The following ASIC2 variants were observed in gnomAD, a reference collection of about 807,000 sequenced individuals.
ASIC2 encodes the protein acid sensing ion channel subunit 2, also known as acid-sensing ion channel 2.
A neutral mutation model predicts 57.3 loss-of-function variants in ASIC2; 25 were observed. That is an observed-to-expected ratio of 0.44 (90% CI 0.32 to 0.61). The LOEUF (loss-of-function observed/expected upper bound fraction) is 0.61. Ranked by LOEUF, ASIC2 falls within the 20% of genes least tolerant of loss-of-function variation. ASIC2 has a pLI of 0.06. For synonymous variants in ASIC2, 319 were observed against 307.5 expected, an observed-to-expected ratio of 1.04 and a Z score of -0.39; for missense variants, 641 against 738.1, an observed-to-expected ratio of 0.87 and a Z score of 1.52.
chr17:34,077,557 G>C (rs1323308691), intron 1 of ASIC2, among the ~76,000 whole-genome samples: 1 of 152,190 alleles, frequency 6.6e-6, no homozygotes, highest in Non-Finnish European at 1.5e-5. Context: ...ACACAGCCAC[G>C]ATGCAGCCTT....
chr17:33,379,080 G>A (rs1373539187), intron 1 of ASIC2, among the ~76,000 whole-genome samples: 8 of 152,238 alleles, frequency 5.3e-5, no homozygotes, highest in African/African-American at 1.4e-4. Context: ...CATTAAATGA[G>A]ATAACATATG....
At chr17:33,503,384 T>C (rs1468643401) in intron 1 of ASIC2, among the ~76,000 whole-genome samples, 1 of 151,958 alleles carries the variant, frequency 6.6e-6, no homozygotes, top group East Asian at 1.9e-4. Flanking sequence ...AAGGAAGGGG[T>C]TAAGATTATC....
intron 1 of ASIC2, among the ~76,000 whole-genome samples, chr17:33,210,543 G>T (rs1447910790): frequency 6.6e-6 from 1 of 152,138 alleles, no homozygotes; most frequent in Non-Finnish European, 1.5e-5. Context: ...AGCCCATATG[G>T]GTGAGACTGG....
intron 3 of ASIC2, 137 bp downstream of exon 3, chr17:33,088,726 G>A (rs371953023): frequency 1.7e-5 from 22 of 1,272,990 alleles, no homozygotes; most frequent in South Asian, 1.9e-5. Flanking sequence ...AACTGGTGAC[G>A]AAGGTTAGCC....
At chr17:33,399,157 T>C (rs766635041) in intron 1 of ASIC2, among the ~76,000 whole-genome samples, 1 of 152,154 alleles carries the variant, frequency 6.6e-6, no homozygotes, top group Non-Finnish European at 1.5e-5. Flanking sequence ...GGAGGTGCTG[T>C]GGTTTCTGAT....
At chr17:34,008,813 T>A (rs967265376) in intron 1 of ASIC2, among the ~76,000 whole-genome samples, 2 of 152,134 alleles carry the variant, frequency 1.3e-5, no homozygotes, top group Non-Finnish European at 2.9e-5. Flanking sequence ...CCCCTAGCCA[T>A]CCCAAGCATG....
chr17:34,010,706 C>T (rs1376687898), intron 1 of ASIC2, among the ~76,000 whole-genome samples: 1 of 151,666 alleles, frequency 6.6e-6, no homozygotes, highest in African/African-American at 2.4e-5. Flanking sequence ...GACATAACCA[C>T]ACAGACACAC....
intron 1 of ASIC2, among the ~76,000 whole-genome samples, chr17:33,279,478 G>C (rs1427181915): frequency 6.6e-6 from 1 of 152,222 alleles, no homozygotes; most frequent in Non-Finnish European, 1.5e-5. Context: ...AGGATGGGAA[G>C]AGGGAGGTCG....
intron 1 of ASIC2, among the ~76,000 whole-genome samples, chr17:33,944,292 GAGA>G (rs1471417567): frequency 6.6e-6 from 1 of 152,194 alleles, no homozygotes; most frequent in Non-Finnish European, 1.5e-5. Flanking sequence ...GCTTTCTGTG[GAGA>G]AGAACTCCTA....
intron 1 of ASIC2, chr17:34,039,557 G>A (rs1908024598): frequency 4.3e-6 from 7 of 1,613,794 alleles, no homozygotes; most frequent in Non-Finnish European, 5.9e-6. Flanking sequence ...CGTGCAACTG[G>A]TGGAACACTT....
chr17:33,695,458 C>T (rs1474339174), intron 1 of ASIC2, among the ~76,000 whole-genome samples: 1 of 151,948 alleles, frequency 6.6e-6, no homozygotes, highest in Non-Finnish European at 1.5e-5. Flanking sequence ...CATATGCATG[C>T]ATTACTTTTA....
chr17:33,806,191 C>G (rs1010072504), intron 1 of ASIC2, among the ~76,000 whole-genome samples: 2 of 152,216 alleles, frequency 1.3e-5, no homozygotes, highest in African/African-American at 4.8e-5. Context: ...TGATTTCAGG[C>G]TCTGCCACCA....
intron 1 of ASIC2, among the ~76,000 whole-genome samples, chr17:33,870,503 T>G (rs1914376263): frequency 6.6e-6 from 1 of 151,810 alleles, no homozygotes; most frequent in African/African-American, 2.4e-5. Context: ...GTCATGGTGG[T>G]GGGTTGAATT....
intron 1 of ASIC2, among the ~76,000 whole-genome samples, chr17:33,908,898 C>T (rs923162081): frequency 3.3e-5 from 5 of 152,204 alleles, no homozygotes; most frequent in African/African-American, 1.2e-4. Context: ...TGGTCCAGGT[C>T]ATTCTAGCCT....
intron 1 of ASIC2, among the ~76,000 whole-genome samples, chr17:34,086,855 C>T (rs1239810394): frequency 3.3e-5 from 5 of 152,138 alleles, no homozygotes; most frequent in Non-Finnish European, 5.9e-5. Context: ...GAGACTAGGA[C>T]TGCAACACCT....
chr17:33,498,355 A>G (rs1914001866), intron 1 of ASIC2, among the ~76,000 whole-genome samples: 1 of 152,234 alleles, frequency 6.6e-6, no homozygotes, highest in African/African-American at 2.4e-5. Flanking sequence ...AGAACAAGAC[A>G]GGGAGTCAGG....
chr17:33,044,819 C>A (rs7342898), intron 3 of ASIC2, among the ~76,000 whole-genome samples: 1 of 152,134 alleles, frequency 6.6e-6, no homozygotes, highest in African/African-American at 2.4e-5. Flanking sequence ...TCATAATGTC[C>A]AGGCGTAGTG....
chr17:33,615,518 G>A (rs558949076), intron 1 of ASIC2, among the ~76,000 whole-genome samples: 68 of 152,138 alleles, frequency 4.5e-4, no homozygotes, highest in Non-Finnish European at 8.2e-4. Context: ...GACTTCTAAG[G>A]TTAACTTGAA....
intron 1 of ASIC2, among the ~76,000 whole-genome samples, chr17:33,244,961 C>T (rs1396498944): frequency 6.6e-6 from 1 of 152,222 alleles, no homozygotes; most frequent in African/African-American, 2.4e-5. Flanking sequence ...CCTCTCAGCA[C>T]TCTTGGTCTC....
Sources: gnomAD v4.1 joint callset for allele counts (sites outside exome capture counted in the v4.1 genomes callset) on GRCh38, gnomAD v4.1.1 for gene constraint, MANE v1.5 for transcripts, NCBI Gene and HGNC (gene_info 2026-07-23, HGNC 2026-07-21) for gene names.